FGF13: variants seen among roughly 807,000 people sequenced by gnomAD.
The protein encoded by FGF13 is fibroblast growth factor homologous factor 2.
A neutral mutation model predicts 19.5 loss-of-function variants in FGF13; 2 were observed. The ratio of observed to expected loss-of-function variants is 0.10; its 90% CI spans 0.04 to 0.32. The LOEUF is 0.32. Among genes scored for constraint, FGF13 ranks in the 10% least tolerant of loss-of-function variants. The probability of loss-of-function intolerance (pLI) is 1.00; values close to 1 mark genes in which losing one functional copy is unlikely to be tolerated. For synonymous variants in FGF13, 72 were observed against 76.9 expected, an observed-to-expected ratio of 0.94 and a Z score of 0.33; for missense variants, 113 against 192.7, an observed-to-expected ratio of 0.59 and a Z score of 2.45.
chrX:139,120,623 C>A (rs147500441), intron 1 of FGF13, among the ~76,000 whole-genome samples: 1,371 of 112,181 alleles, frequency 0.012, 15 homozygotes, highest in African/African-American at 0.042. Flanking sequence ...AAACCACCCA[C>A]CAGAAACAGT....
At chrX:138,784,729 C>T (rs753060411) in intron 3 of FGF13, among the ~76,000 whole-genome samples, 2 of 111,633 alleles carry the variant, frequency 1.8e-5, no homozygotes, top group South Asian at 3.8e-4. Context: ...TCGTCATCTA[C>T]CTCATGTATT....
intron 1 of FGF13, among the ~76,000 whole-genome samples, chrX:138,726,186 T>A (rs1298533172): frequency 9.0e-6 from 1 of 110,513 alleles, no homozygotes; most frequent in Non-Finnish European, 1.9e-5. Flanking sequence ...GTTTTGAGGG[T>A]TTTCATTTGC....
intron 1 of FGF13, among the ~76,000 whole-genome samples, chrX:139,046,945 T>C (rs2092289513): frequency 9.0e-6 from 1 of 111,651 alleles, no homozygotes; most frequent in African/African-American, 3.3e-5. Context: ...GCTTTGATAA[T>C]ACAAGAATTA....
intron 3 of FGF13, among the ~76,000 whole-genome samples, chrX:138,671,044 C>T (rs200968818): frequency 2.0e-5 from 2 of 99,370 alleles, no homozygotes; most frequent in Non-Finnish European, 4.0e-5. Context: ...CCACCACCAC[C>T]ACCGCCATCA....
At chrX:139,043,166 G>A (rs1319151048) in intron 1 of FGF13, among the ~76,000 whole-genome samples, 2 of 111,085 alleles carry the variant, frequency 1.8e-5, no homozygotes, top group Non-Finnish European at 3.8e-5. Flanking sequence ...TATCTAATTA[G>A]TGGGGCACAT....
chrX:138,880,350 T>C (rs1028518075), intron 1 of FGF13, among the ~76,000 whole-genome samples: 11 of 112,218 alleles, frequency 9.8e-5, no homozygotes, highest in Admixed American at 9.5e-4. Flanking sequence ...CAAAGGATTA[T>C]AAATCATGCT....
chrX:139,138,087 C>T (rs2083814238), intron 1 of FGF13, among the ~76,000 whole-genome samples: 3 of 112,462 alleles, frequency 2.7e-5, no homozygotes, highest in Admixed American at 1.9e-4. Flanking sequence ...ATAGTACACA[C>T]CATTTATGAA....
intron 1 of FGF13, among the ~76,000 whole-genome samples, chrX:139,020,184 A>G (rs931819596): frequency 9.0e-5 from 10 of 111,507 alleles, no homozygotes; most frequent in African/African-American, 2.9e-4. Flanking sequence ...TTACAAATTC[A>G]CCAGCAAAAT....
At chrX:138,662,735 A>T (rs1273047530) in intron 3 of FGF13, among the ~76,000 whole-genome samples, 1 of 111,711 alleles carries the variant, frequency 9.0e-6, no homozygotes, top group African/African-American at 3.3e-5. Context: ...CAATAAAAAC[A>T]TGGTGTGCTA....
intron 3 of FGF13, among the ~76,000 whole-genome samples, chrX:138,747,546 T>C (rs1049179549): frequency 8.9e-6 from 1 of 111,889 alleles, no homozygotes; most frequent in Non-Finnish European, 1.9e-5. Context: ...AACATACTAA[T>C]TTGCCTTCAG....
intron 1 of FGF13, among the ~76,000 whole-genome samples, chrX:138,878,796 G>A (rs190085601): frequency 0.1 from 11,290 of 110,712 alleles, 1,437 homozygotes; most frequent in African/African-American, 0.35. Flanking sequence ...ATTTCTCCAC[G>A]TCCTCTCCAG....
intron 1 of FGF13, among the ~76,000 whole-genome samples, chrX:138,945,412 CAA>C (rs1208546572): frequency 2.7e-5 from 3 of 110,325 alleles, no homozygotes; most frequent in African/African-American, 9.9e-5. Flanking sequence ...CAGGCAGCAA[CAA>C]AAAAAGGTAG....
chrX:138,981,576 G>T (rs752810388), intron 1 of FGF13, among the ~76,000 whole-genome samples: 1 of 110,935 alleles, frequency 9.0e-6, no homozygotes, highest in African/African-American at 3.3e-5. Flanking sequence ...CCCACACAGC[G>T]TTCCAGAAAA....
chrX:138,770,164 A>G (rs2090534329), intron 3 of FGF13, among the ~76,000 whole-genome samples: 1 of 111,911 alleles, frequency 8.9e-6, no homozygotes, highest in Middle Eastern at 4.3e-3. Flanking sequence ...CATTCATTTA[A>G]TAAAACATAT....
chrX:139,165,423 G>A (rs1440198455), intron 1 of FGF13, among the ~76,000 whole-genome samples: 1 of 112,095 alleles, frequency 8.9e-6, no homozygotes, highest in Non-Finnish European at 1.9e-5. Context: ...GCTTGCAAGA[G>A]TGTGGCCAAG....
At chrX:139,150,816 A>G (rs2083928570) in intron 1 of FGF13, among the ~76,000 whole-genome samples, 1 of 111,732 alleles carries the variant, frequency 8.9e-6, no homozygotes, top group Non-Finnish European at 1.9e-5. Flanking sequence ...CAAGAACTCC[A>G]AGGAGCAGCC....
intron 3 of FGF13, among the ~76,000 whole-genome samples, chrX:138,665,161 T>C (rs2089527988): frequency 9.0e-6 from 1 of 110,625 alleles, no homozygotes. Context: ...CACTTAAACC[T>C]AAGATTCCTC....
chrX:138,799,647 A>G (rs1049698000), intron 3 of FGF13, among the ~76,000 whole-genome samples: 2 of 111,159 alleles, frequency 1.8e-5, no homozygotes, highest in African/African-American at 6.6e-5. Context: ...TCTGTCTAAT[A>G]TTGACAATGG....
intron 1 of FGF13, among the ~76,000 whole-genome samples, chrX:138,984,265 G>A (rs915217310): frequency 1.8e-5 from 2 of 108,270 alleles, no homozygotes; most frequent in African/African-American, 3.4e-5. Context: ...AAAATTAGCC[G>A]GGCATGGTGG....
Sources: allele counts gnomAD v4.1 joint callset (sites outside exome capture counted in the v4.1 genomes callset), GRCh38; gene constraint gnomAD v4.1.1; transcripts MANE v1.5; gene names NCBI Gene and HGNC (gene_info 2026-07-23, HGNC 2026-07-21).